CAPN2: variants seen among roughly 807,000 people sequenced by gnomAD.
CAPN2 encodes the protein calpain-2 catalytic subunit.
CAPN2 carries 92 observed loss-of-function variants against 102.3 expected under a neutral mutation model. The observed-to-expected ratio is 0.90, with a 90% confidence interval of 0.76 to 1.07. The LOEUF is 1.07. Among genes scored for constraint, CAPN2 ranks in the 50% least tolerant of loss-of-function variants. The pLI, the probability that CAPN2 is intolerant of heterozygous loss-of-function variation, is 0.00. For missense variants in CAPN2, 800 were observed against 909.4 expected, an observed-to-expected ratio of 0.88 and a Z score of 1.55; for synonymous variants, 340 against 355.4, an observed-to-expected ratio of 0.96 and a Z score of 0.49.
At position 223,741,444 on chromosome 1, in the gene CAPN2, A is replaced by G. The variant is rs758239008; in HGVS notation, c.308-2656A>G. ...ATGTATATATATATATAATGTGTAT[A>G]TATATATATATATATATATATATAT... is the stretch of plus-strand genomic sequence containing the variant. On this transcript the variant is annotated intron_variant, in intron 2 of 20. Coordinates refer to ENST00000295006, the MANE Select transcript of CAPN2 (RefSeq NM_001748.5). Among the ~76,000 whole-genome samples, 224 of 96,378 alleles carry G rather than the reference A, an allele frequency of 2.3e-3. 1 individual carries two copies. In the East Asian group the frequency reaches 0.034, roughly 15 times the overall value. The allele number at this position is 96,378 out of a possible 152,430, so 63.2% of individuals were successfully genotyped here.
intron 2 of CAPN2, among the ~76,000 whole-genome samples, chr1:223,742,808 G>T (rs898876): frequency 2.6e-5 from 4 of 152,104 alleles, no homozygotes; most frequent in Admixed American, 1.3e-4. Flanking sequence ...GGCGTGAGCC[G>T]CTGCGCCTAG....
intron 11 of CAPN2, chr1:223,758,701 T>C (rs1358653062): frequency 6.6e-6 from 1 of 152,584 alleles, no homozygotes; most frequent in Non-Finnish European, 1.5e-5. Context: ...TTTTGTTTTT[T>C]TTTTTTTTAA....
chr1:223,720,315 C>CTCTTTTTT lies in CAPN2; in HGVS notation c.307+2485_307+2486insCTTTTTTT, dbSNP rs564518898. ...TCATCCTTATTTTCTCTCTTTCTCT[C>CTCTTTTTT]TTTTTTTTTTTTTTTTTTTGACAGG... On this transcript the variant is annotated intron_variant, in intron 2 of 20. Coordinates refer to ENST00000295006, the MANE Select transcript of CAPN2 (RefSeq NM_001748.5). Among the ~76,000 whole-genome samples the CTCTTTTTT allele has an allele frequency of 1.8e-4, 19 of 107,468 alleles. No individual in the cohort carries two copies. In the East Asian group the frequency reaches 1.9e-3, roughly 11 times the overall value. The allele number at this position is 107,468 out of a possible 152,430, so 70.5% of individuals were successfully genotyped here.
chr1:223,770,597 C>T, intron 18 of CAPN2, 72 bp downstream of exon 18: 14 of 970,060 alleles, frequency 1.4e-5, no homozygotes, highest in Non-Finnish European at 2.1e-5. Context: ...TCATCTTATA[C>T]CATATAACAC....
rs1180378658 is a variant in CAPN2 at position 223,754,808 on chromosome 1, C to T, written c.1136-672C>T. Among the ~76,000 whole-genome samples the T allele has an allele frequency of 1.3e-5, 2 of 152,142 alleles. No homozygotes were observed. The highest frequency in any genetic ancestry group is 2.9e-5 in the Non-Finnish European group (2 of 68,014). On this transcript the variant is annotated intron_variant, in intron 9 of 20. Coordinates refer to ENST00000295006, the MANE Select transcript of CAPN2 (RefSeq NM_001748.5). The surrounding 1 kb of genome is among the most constrained non-coding windows in gnomAD (Gnocchi z 4.7). ...AGGATGTTCTTGGCCTCCGGGCTCA[C>T]CGAGGGGGCGGCGACCGGCAAGTGC...
At chr1:223,703,045 G>T (rs894288402) in intron 1 of CAPN2, among the ~76,000 whole-genome samples, 3 of 152,156 alleles carry the variant, frequency 2.0e-5, no homozygotes, top group Admixed American at 6.6e-5. Flanking sequence ...ACTGCACTTC[G>T]CAGGGTGCTG....
chr1:223,743,827 C>T (rs1253599967), intron 2 of CAPN2, among the ~76,000 whole-genome samples: 2 of 152,192 alleles, frequency 1.3e-5, no homozygotes, highest in African/African-American at 2.4e-5. Flanking sequence ...TGAAATTTCC[C>T]ATCTCTGCCC....
At chr1:223,753,055 C>CT in intron 9 of CAPN2, 99 bp downstream of exon 9, 3 of 1,123,160 alleles carry the variant, frequency 2.7e-6, no homozygotes, top group Non-Finnish European at 2.6e-6. Context: ...GCCTAGCAGC[C>CT]CCAGGAGGCA....
chr1:223,771,895 C>T lies in CAPN2; in HGVS notation c.1990C>T (p.Arg664Trp), dbSNP rs1010016325. The T allele has an allele frequency of 6.2e-6, 10 of 1,613,714 alleles. No individual in the cohort carries two copies. The highest frequency in any genetic ancestry group is 5.1e-6 in the Non-Finnish European group (6 of 1,179,684). ...CATCATCGATTTTGATAATTTTGTT[C>T]GGTGTTTGGTTCGGCTGGAAACGCT... Reference protein sequence around the residue: ...QLIIDFDNFVRCLVRLETLFK... With the variant: ...QLIIDFDNFVWCLVRLETLFK... Residue 664 changes from arginine to tryptophan, a missense_variant, in exon 19 of 21, where the codon CGG becomes TGG. By Grantham distance (101) the Arg-to-Trp change is moderately radical (BLOSUM62 -3). Transcript: ENST00000295006.
intron 1 of CAPN2, among the ~76,000 whole-genome samples, chr1:223,705,601 T>C (rs1379284096): frequency 6.6e-6 from 1 of 152,198 alleles, no homozygotes; most frequent in Admixed American, 6.5e-5. Flanking sequence ...GACATATTTA[T>C]TGGGGAGCTT....
intron 1 of CAPN2, among the ~76,000 whole-genome samples, chr1:223,706,782 A>G (rs1571773267): frequency 1.3e-5 from 2 of 152,336 alleles, no homozygotes; most frequent in East Asian, 3.9e-4. Flanking sequence ...AGCTTTGGTT[A>G]GTATCTCCAG....
At chr1:223,750,151 G>C (rs1276193705) in intron 6 of CAPN2, among the ~76,000 whole-genome samples, 4 of 151,934 alleles carry the variant, frequency 2.6e-5, no homozygotes, top group Admixed American at 2.0e-4. Flanking sequence ...CTTTTTATTT[G>C]AAAATTTTCA....
At chr1:223,747,910 G>A (rs1486148400) in intron 5 of CAPN2, among the ~76,000 whole-genome samples, 3 of 152,192 alleles carry the variant, frequency 2.0e-5, no homozygotes, top group Non-Finnish European at 4.4e-5. Flanking sequence ...GGAAGCCAAG[G>A]GTTGCTAGGC....
In CAPN2 at chr1:223,737,719, G is replaced by GC. The variant is rs1380010653; in HGVS notation, c.308-6381_308-6380insC. Among the ~76,000 whole-genome samples the GC allele has an allele frequency of 2.0e-4, 17 of 83,938 alleles. 1 individual carries two copies. Among genetic ancestry groups the GC allele is most frequent in the South Asian group, 1.2e-3 (2 of 1,660 alleles). 55.1% of individuals were successfully genotyped at this position (83,938 alleles called of 152,430 possible). ...AAAAGAGACGGGGCGGGGGGTGGGGGGGAGAGAATACAATAACACCATGTA... is the reference window on the plus strand; with the variant it reads ...AAAAGAGACGGGGCGGGGGGTGGGGGCGGAGAGAATACAATAACACCATGTA... On this transcript the variant is annotated intron_variant, in intron 2 of 20. Transcript: ENST00000295006.
intron 2 of CAPN2, 60 bp downstream of exon 2, chr1:223,717,891 G>A (rs1172461865): frequency 7.8e-7 from 1 of 1,288,396 alleles, no homozygotes; most frequent in African/African-American, 1.4e-5. Flanking sequence ...GGGTGGAAGA[G>A]ATGAGGGACA....
upstream of CAPN2, among the ~76,000 whole-genome samples, chr1:223,709,811 C>T (rs1231139321): frequency 6.6e-6 from 1 of 152,214 alleles, no homozygotes; most frequent in African/African-American, 2.4e-5. Context: ...ACTGGTCTCT[C>T]TACAGGGGGA....
At chr1:223,742,518 ATTTTTTTTT>A (rs199697766) in intron 2 of CAPN2, among the ~76,000 whole-genome samples, 1 of 114,424 alleles carries the variant, frequency 8.7e-6, no homozygotes, top group Non-Finnish European at 1.7e-5. Flanking sequence ...ATATATATAT[ATTTTTTTTT>A]TTTTTTTTGA....
intron 2 of CAPN2, among the ~76,000 whole-genome samples, chr1:223,741,248 T>G (rs1428741148): frequency 6.6e-6 from 1 of 151,530 alleles, no homozygotes; most frequent in Admixed American, 6.6e-5. Context: ...TTCAAAATAT[T>G]TTGCTGATTG....
At chr1:223,739,248 A>G (rs1267766264) in intron 2 of CAPN2, among the ~76,000 whole-genome samples, 1 of 150,394 alleles carries the variant, frequency 6.6e-6, no homozygotes, top group African/African-American at 2.5e-5. Flanking sequence ...CAGTGGTGCA[A>G]TCTGGGCTCA....
Sources: gnomAD v4.1 joint callset for allele counts (sites outside exome capture counted in the v4.1 genomes callset) on GRCh38, gnomAD v4.1.1 for gene constraint, Gnocchi (gnomAD v3.1) non-coding constraint, MANE v1.5 for transcripts, NCBI Gene and HGNC (gene_info 2026-07-23, HGNC 2026-07-21) for gene names.